Variants in COLEC10 observed in about 807,000 individuals in gnomAD.
The protein encoded by COLEC10 is collectin subfamily member 10, also known as collectin-10.
COLEC10 carries 22 observed loss-of-function variants against 28.4 expected under a neutral mutation model. The ratio of observed to expected loss-of-function variants is 0.78; its 90% CI spans 0.55 to 1.11. The LOEUF (loss-of-function observed/expected upper bound fraction) is 1.11, where lower values mean the gene tolerates loss of function less well. COLEC10 is among the 50% of genes least tolerant of loss of function. The pLI is 0.00. For missense variants in COLEC10, 361 were observed against 344.1 expected, an observed-to-expected ratio of 1.05 and a Z score of -0.39; for synonymous variants, 125 against 116.1, an observed-to-expected ratio of 1.08 and a Z score of -0.49.
chr8:119,033,809 C>A (rs1241463251), intron 2 of COLEC10, among the ~76,000 whole-genome samples: 1 of 152,070 alleles, frequency 6.6e-6, no homozygotes, highest in African/African-American at 2.4e-5. Flanking sequence ...TAAATTAGTT[C>A]GACCATTGTG....
intron 1 of COLEC10, among the ~76,000 whole-genome samples, chr8:119,000,273 G>A (rs1463226067): frequency 3.3e-5 from 5 of 151,950 alleles, no homozygotes; most frequent in African/African-American, 7.2e-5. Context: ...AAGAAAAGTC[G>A]GACATCAGAA....
intron 2 of COLEC10, among the ~76,000 whole-genome samples, chr8:119,051,618 G>A (rs910127936): frequency 3.9e-5 from 6 of 152,160 alleles, no homozygotes; most frequent in Non-Finnish European, 8.8e-5. Context: ...TGAATACGCA[G>A]TAGATAAAAG....
At chr8:119,046,704 A>G (rs1814593404) in intron 2 of COLEC10, among the ~76,000 whole-genome samples, 1 of 152,196 alleles carries the variant, frequency 6.6e-6, no homozygotes, top group South Asian at 2.1e-4. Context: ...TGTGAAAAAA[A>G]TAAGCCCTGG....
At chr8:118,968,574 C>CAT in the COLEC10 span, among the ~76,000 whole-genome samples, 49 of 151,242 alleles carry the variant, frequency 3.2e-4, no homozygotes, top group African/African-American at 1.0e-3. Flanking sequence ...TATATATATA[C>CAT]ATATATATAT....
chr8:119,052,571 A>G (rs1450676217), intron 2 of COLEC10, among the ~76,000 whole-genome samples: 3 of 152,152 alleles, frequency 2.0e-5, no homozygotes. Context: ...ATGTCCTCTT[A>G]AAGTTCCCCA....
At chr8:119,093,596 G>A (rs1431888587) in intron 3 of COLEC10, among the ~76,000 whole-genome samples, 1 of 152,108 alleles carries the variant, frequency 6.6e-6, no homozygotes, top group Non-Finnish European at 1.5e-5. Context: ...CATATACCTC[G>A]ATAAAATTTG....
chr8:119,078,362 T>C (rs1407018211), intron 1 of COLEC10, among the ~76,000 whole-genome samples: 1 of 152,158 alleles, frequency 6.6e-6, no homozygotes, highest in Admixed American at 6.6e-5. Context: ...TAGAACAACA[T>C]TAGATTTGCT....
At chr8:118,956,556 C>T in the COLEC10 span, among the ~76,000 whole-genome samples, 1 of 152,160 alleles carries the variant, frequency 6.6e-6, no homozygotes, top group East Asian at 1.9e-4. Flanking sequence ...TCCAGTCACT[C>T]TAGTCACTTC....
chr8:118,999,312 G>A (rs1481520544), intron 1 of COLEC10, among the ~76,000 whole-genome samples: 2 of 151,990 alleles, frequency 1.3e-5, no homozygotes, highest in Non-Finnish European at 2.9e-5. Context: ...TTAGAGGTCT[G>A]ATAAAGAAGA....
chr8:118,963,923 G>A, the COLEC10 span, among the ~76,000 whole-genome samples: 1 of 152,160 alleles, frequency 6.6e-6, no homozygotes, highest in Non-Finnish European at 1.5e-5. Context: ...ATGGATATGA[G>A]CCTTGCCCTC....
the COLEC10 span, among the ~76,000 whole-genome samples, chr8:118,970,432 G>A: frequency 3.3e-5 from 5 of 151,906 alleles, no homozygotes; most frequent in Non-Finnish European, 5.9e-5. Context: ...GAGTCAACAG[G>A]TTGGTTAAAA....
At chr8:119,002,151 G>T (rs561823583) in intron 1 of COLEC10, among the ~76,000 whole-genome samples, 1 of 152,086 alleles carries the variant, frequency 6.6e-6, no homozygotes. Context: ...AATTGTATAT[G>T]TGTGTATATA....
intron 2 of COLEC10, among the ~76,000 whole-genome samples, chr8:119,029,079 CA>C (rs1275854094): frequency 1.7e-4 from 26 of 152,160 alleles, no homozygotes; most frequent in African/African-American, 6.0e-4. Context: ...GAATGTGCAA[CA>C]TGTAACAGGG....
intron 2 of COLEC10, among the ~76,000 whole-genome samples, chr8:119,010,511 G>A (rs10955923): frequency 0.044 from 6,562 of 150,366 alleles, 400 homozygotes; most frequent in East Asian, 0.16. Flanking sequence ...AACTCTATTA[G>A]TTAAATATCA....
intron 2 of COLEC10, among the ~76,000 whole-genome samples, chr8:119,047,040 C>T (rs1308646199): frequency 6.6e-6 from 1 of 152,128 alleles, no homozygotes; most frequent in East Asian, 1.9e-4. Flanking sequence ...TTGCAAAATC[C>T]CTAAATGCTG....
At chr8:119,005,943 A>T (rs1813785957) in intron 1 of COLEC10, among the ~76,000 whole-genome samples, 1 of 152,054 alleles carries the variant, frequency 6.6e-6, no homozygotes, top group African/African-American at 2.4e-5. Context: ...AGCTCTGTCC[A>T]CTAGGAGGAT....
chr8:118,974,678 C>A, the COLEC10 span, among the ~76,000 whole-genome samples: 7 of 151,992 alleles, frequency 4.6e-5, no homozygotes, highest in Non-Finnish European at 8.8e-5. Context: ...CTTAAATTTA[C>A]GTAAACGTAT....
rs181629196 is a variant in COLEC10, at chr8:119,070,836, G to C, written c.148+3407G>C. ...ATTTTAACCAATAAATGTGGATGAT[G>C]CTTTACAATTTTCAAGGACCTTTAA... On this transcript the variant is annotated intron_variant, in intron 1 of 5. Transcript: ENST00000332843. Among the ~76,000 whole-genome samples the C allele has an allele frequency of 8.9e-4, 135 of 152,164 alleles. 1 individual carries two copies. The highest frequency in any genetic ancestry group is 3.2e-3 in the African/African-American group (131 of 41,530).
chr8:119,003,598 AG>A (rs945272312), intron 1 of COLEC10, among the ~76,000 whole-genome samples: 39 of 152,178 alleles, frequency 2.6e-4, no homozygotes, highest in African/African-American at 9.4e-4. Flanking sequence ...TGGGGCTCAG[AG>A]GATGAATTAA....
Sources: gnomAD v4.1 joint callset for allele counts (sites outside exome capture counted in the v4.1 genomes callset) on GRCh38, gnomAD v4.1.1 for gene constraint, MANE v1.5 for transcripts, NCBI Gene and HGNC (gene_info 2026-07-23, HGNC 2026-07-21) for gene names.